WDR43: variants seen among roughly 807,000 people sequenced by gnomAD.
WDR43 encodes the protein WD repeat domain 43.
In WDR43, 13 loss-of-function variants were observed where a neutral mutation model predicts 91.4. The observed-to-expected ratio is 0.14, with a 90% CI of 0.09 to 0.23. WDR43 has a LOEUF of 0.23. WDR43 is among the 10% of genes least tolerant of loss of function. The pLI is 1.00. For synonymous variants in WDR43, 331 were observed against 287.9 expected (o/e 1.15, Z -1.51); for missense variants, 780 against 809.4 (o/e 0.96, Z 0.44).
intron 16 of WDR43, among the ~76,000 whole-genome samples, chr2:28,944,014 T>TC (rs1308638183): frequency 1.3e-5 from 2 of 152,326 alleles, no homozygotes; most frequent in East Asian, 3.9e-4. Context: ...CCAATACTTC[T>TC]CCAAGTATGA....
chr2:28,925,779 C>T (rs749318929), intron 8 of WDR43, among the ~76,000 whole-genome samples: 4 of 152,074 alleles, frequency 2.6e-5, no homozygotes, highest in South Asian at 2.1e-4. Context: ...CACAAGCATA[C>T]GTGCATATGG....
Position 28,942,352 on chromosome 2 carries a change from G to A in WDR43, c.1775G>A (p.Gly592Glu). 1 of 1,613,602 alleles carries A rather than the reference G, an allele frequency of 6.2e-7. No homozygotes were observed. The highest frequency in any genetic ancestry group is 8.5e-7 in the Non-Finnish European group (1 of 1,179,692). Residue 592 changes from glycine (G) to glutamate (E), a missense_variant, in exon 16 of 18, where the codon GGA becomes GAA. Gly to Glu is a moderately conservative substitution (Grantham distance 98). Coordinates refer to ENST00000407426, the MANE Select transcript of WDR43 (RefSeq NM_015131.3). Reference protein sequence around the residue: ...SEKTKGATSPGQKAKLVYEEE... With the variant: ...SEKTKGATSPEQKAKLVYEEE... ...AAGACAAAGGGAGCAACTTCCCCTGGACAGAAGGCAAAGTTGGTGTATGAA... is the reference window on the plus strand; with the variant it reads ...AAGACAAAGGGAGCAACTTCCCCTGAACAGAAGGCAAAGTTGGTGTATGAA...
intron 1 of WDR43, among the ~76,000 whole-genome samples, chr2:28,900,735 G>A (rs1006217005): frequency 1.6e-4 from 25 of 152,102 alleles, no homozygotes; most frequent in African/African-American, 5.8e-4. Flanking sequence ...TTGTACTTTG[G>A]CTTTTAATTG....
intron 3 of WDR43, among the ~76,000 whole-genome samples, chr2:28,907,040 A>G (rs1670694250): frequency 6.6e-6 from 1 of 152,154 alleles, no homozygotes; most frequent in East Asian, 1.9e-4. Flanking sequence ...ATACTAGGGG[A>G]TAATGGATGG....
At chr2:28,927,201 A>T (rs1671157396) in intron 9 of WDR43, 2 of 516,114 alleles carry the variant, frequency 3.9e-6, no homozygotes, top group Admixed American at 3.9e-5. Context: ...TCACTTTTTA[A>T]ATTTTTAAAA....
intron 13 of WDR43, among the ~76,000 whole-genome samples, chr2:28,937,268 G>C (rs190573488): frequency 6.6e-6 from 1 of 152,170 alleles, no homozygotes; most frequent in Admixed American, 6.5e-5. Context: ...TTAAGACTCT[G>C]TAAAAATATG....
In WDR43 at chr2:28,929,790, G is replaced by C. The variant is rs1460389428; in HGVS notation, c.1437+80G>C. On this transcript the variant is annotated intron_variant, in intron 11 of 17. Transcript: ENST00000407426. ...TGATTGACATAGCACATTCACAGCT[G>C]TGAGCCATCATGTTACAGAGCCATT... The C allele has an allele frequency of 4.9e-6, 7 of 1,419,970 alleles. No individual in the cohort carries two copies. In the East Asian group the frequency reaches 1.2e-4, roughly 24 times the overall value. The allele number at this position is 1,419,970 out of a possible 1,614,324, so 88.0% of individuals were successfully genotyped here. A position where few individuals can be genotyped will look rare whatever the true frequency, so the allele number is the denominator to read the frequency against.
At chr2:28,926,896 CT>C (rs1671152369) in intron 9 of WDR43, among the ~76,000 whole-genome samples, 1 of 152,164 alleles carries the variant, frequency 6.6e-6, no homozygotes, top group South Asian at 2.1e-4. Context: ...AAGAGCATTA[CT>C]TTGCTGAGAG....
chr2:28,914,070 A>T lies in WDR43; in HGVS notation c.608A>T (p.His203Leu). The T allele has an allele frequency of 1.2e-6, 2 of 1,612,692 alleles. No individual in the cohort carries two copies. Among genetic ancestry groups the T allele is most frequent in the Non-Finnish European group, 1.7e-6 (2 of 1,179,518 alleles). Reference protein sequence around the residue: ...WVLETKEVYRHFTGHATPVSS... With the variant: ...WVLETKEVYRLFTGHATPVSS... ...TAACTGAGATTTAACTTTCTCTAGC[A>T]TTTCACAGGACATGCAACGCCAGTT... is the stretch of plus-strand genomic sequence containing the variant. Residue 203 changes from histidine (H) to leucine (L), a missense_variant and splice_region_variant, in exon 5 of 18, where the codon CAT becomes CTT. This residue lies in a region of WDR43 where 174 missense variants were observed against 207.3 expected (regional missense o/e 0.84). Coordinates refer to ENST00000407426, the MANE Select transcript of WDR43 (RefSeq NM_015131.3).
chr2:28,901,816 C>T (rs1670582216), intron 1 of WDR43, among the ~76,000 whole-genome samples, 171 bp from the exon 2 acceptor site: 1 of 152,104 alleles, frequency 6.6e-6, no homozygotes, highest in African/African-American at 2.4e-5. Context: ...AGTTTCTCTT[C>T]CCATTGGAGG....
At chr2:28,918,350 C>CT (rs1670957375) in intron 6 of WDR43, among the ~76,000 whole-genome samples, 1 of 149,352 alleles carries the variant, frequency 6.7e-6, no homozygotes, top group Admixed American at 6.6e-5. Flanking sequence ...GTGTGTATTT[C>CT]TTTTTTTATC....
In WDR43 at chr2:28,929,624, A is replaced by C. The variant is rs760099473; in HGVS notation, c.1351A>C (p.Lys451Gln). The change falls in exon 11 of 18, where the codon AAA (lysine) becomes CAA (glutamine). Residue 451 changes from lysine (K) to glutamine (Q), a missense_variant. By Grantham distance (53) the Lys-to-Gln change is moderately conservative (BLOSUM62 1). Around this residue, in one of 4 missense-constraint regions of WDR43, gnomAD observed 426 missense variants for 467.8 expected, o/e 0.91. Transcript: ENST00000407426. Reference protein sequence around the residue: ...RLGAMDIDTHKKGKEDLQTNS... With the variant: ...RLGAMDIDTHQKGKEDLQTNS... Reference sequence around the variant, plus strand: ...GGGAGCAATGGATATAGACACACACAAAAAAGGAAAGGAAGACCTCCAGAC... The same window carrying C: ...GGGAGCAATGGATATAGACACACACCAAAAAGGAAAGGAAGACCTCCAGAC... 111 of 1,613,188 alleles carry C rather than the reference A, an allele frequency of 6.9e-5. No individual in the cohort carries two copies. The highest frequency in any genetic ancestry group is 4.1e-5 in the Non-Finnish European group (48 of 1,179,410).
intron 7 of WDR43, 87 bp downstream of exon 7, chr2:28,923,070 C>G: frequency 1.8e-6 from 2 of 1,118,580 alleles, no homozygotes; most frequent in South Asian, 1.5e-5. Flanking sequence ...TTCTTTGCAT[C>G]ATATTACTAT....
chr2:28,899,009 G>T (rs779020617), intron 1 of WDR43, among the ~76,000 whole-genome samples: 11 of 151,696 alleles, frequency 7.3e-5, no homozygotes, highest in Non-Finnish European at 1.6e-4. Flanking sequence ...TGCTGATGAT[G>T]GATCAAATGC....
chr2:28,943,383 G>A (rs1558385607), intron 16 of WDR43, among the ~76,000 whole-genome samples: 1 of 151,954 alleles, frequency 6.6e-6, no homozygotes, highest in East Asian at 1.9e-4. Flanking sequence ...CGGTCTTCTC[G>A]CGTCAGCTTC....
intron 6 of WDR43, among the ~76,000 whole-genome samples, chr2:28,922,560 A>G (rs1558376994): frequency 6.6e-6 from 1 of 152,140 alleles, no homozygotes; most frequent in Non-Finnish European, 1.5e-5. Flanking sequence ...AGGTCTTACA[A>G]CACCCCTTCC....
At chr2:28,904,366 A>C (rs1670638106) in intron 2 of WDR43, among the ~76,000 whole-genome samples, 1 of 152,180 alleles carries the variant, frequency 6.6e-6, no homozygotes, top group South Asian at 2.1e-4. Flanking sequence ...TTAAGACTTA[A>C]ATGTAATAAT....
In WDR43 at chr2:28,946,720, G is replaced by A; in HGVS notation, c.1975G>A (p.Glu659Lys). 1 of 1,584,272 alleles carries A rather than the reference G, an allele frequency of 6.3e-7. No homozygotes were observed. The highest frequency in any genetic ancestry group is 8.6e-7 in the Non-Finnish European group (1 of 1,165,118). ...ENGEDRDTAS[E>K]KELNGDSDLD... ...TGGCGAGGACAGAGATACAGCAAGT[G>A]AAAAAGAATTAAATGGAGATTCTGA... Residue 659 changes from glutamate to lysine, a missense_variant, in exon 18 of 18, where the codon GAA becomes AAA. By Grantham distance (56) the Glu-to-Lys change is moderately conservative. Transcript: ENST00000407426.
intron 3 of WDR43, among the ~76,000 whole-genome samples, chr2:28,911,077 T>C (rs1306265573): frequency 6.6e-6 from 1 of 151,934 alleles, no homozygotes; most frequent in Non-Finnish European, 1.5e-5. Flanking sequence ...TTTTTTTTTT[T>C]CTTTATAATT....
Sources: allele counts gnomAD v4.1 joint callset (sites outside exome capture counted in the v4.1 genomes callset), GRCh38; gene constraint gnomAD v4.1.1; regional missense constraint gnomAD v4.1.1; transcripts MANE v1.5; gene names NCBI Gene and HGNC (gene_info 2026-07-23, HGNC 2026-07-21).